PRPSAP1: variants seen among roughly 807,000 people sequenced by gnomAD.
PRPSAP1 encodes phosphoribosyl pyrophosphate synthetase associated protein 1, also known as phosphoribosyl pyrophosphate synthase-associated protein 1.
In PRPSAP1, 31 loss-of-function variants were observed where a neutral mutation model predicts 39.4. The ratio of observed to expected loss-of-function variants is 0.79; its 90% CI spans 0.59 to 1.06. The LOEUF is 1.06. PRPSAP1 is among the 50% of genes least tolerant of loss of function. The pLI is 0.00. For synonymous variants in PRPSAP1, 212 were observed against 192.6 expected, an observed-to-expected ratio of 1.10 and a Z score of -0.83; for missense variants, 430 against 511.6, an observed-to-expected ratio of 0.84 and a Z score of 1.54.
upstream of PRPSAP1, chr17:76,353,949 C>T (rs1274198643): frequency 3.1e-6 from 4 of 1,308,966 alleles, no homozygotes; most frequent in African/African-American, 4.7e-5. Context: ...ATCCGAAGAG[C>T]GTCGGCTAGA....
intron 7 of PRPSAP1, among the ~76,000 whole-genome samples, chr17:76,320,260 G>GA (rs1265874508): frequency 4.9e-5 from 4 of 81,302 alleles, no homozygotes; most frequent in African/African-American, 1.1e-4. Context: ...AGACAAGAAA[G>GA]AAAGAAAAGA....
At chr17:76,324,813 G>C (rs2071234534) in intron 7 of PRPSAP1, among the ~76,000 whole-genome samples, 1 of 151,706 alleles carries the variant, frequency 6.6e-6, no homozygotes, top group Non-Finnish European at 1.5e-5. Flanking sequence ...TGTAATCCCA[G>C]CACTTTGGGA....
Position 76,353,634 on chromosome 17 carries a change from G to C in PRPSAP1, c.70C>G (p.Pro24Ala), listed in dbSNP as rs752382509. Reference sequence around the variant, plus strand: ...GCGTTCATGGCCGGCGGGGGAACGGGGCGGGCGCGCGGGACGCGGAAAGCC... The same window carrying C: ...GCGTTCATGGCCGGCGGGGGAACGGCGCGGGCGCGCGGGACGCGGAAAGCC... ...SSAFRVPRARPVPPPAMNAAR... is the reference protein window; with the variant it reads ...SSAFRVPRARAVPPPAMNAAR... Residue 24 changes from proline (P) to alanine (A), a missense_variant, in exon 1 of 10, where the codon CCC (proline) becomes GCC (alanine). By Grantham distance (27) the Pro-to-Ala change is conservative. Around this residue, in one of 2 missense-constraint regions of PRPSAP1, gnomAD observed 152 missense variants for 135.2 expected, o/e 1.12. Coordinates refer to ENST00000446526, the MANE Select transcript of PRPSAP1 (RefSeq NM_002766.3). The C allele has an allele frequency of 2.1e-5, 32 of 1,542,052 alleles. No individual in the cohort carries two copies. In the African/African-American group the frequency reaches 3.3e-4, roughly 16 times the overall value.
At chr17:76,346,642 C>T (rs1044771431) in intron 2 of PRPSAP1, among the ~76,000 whole-genome samples, 9 of 152,162 alleles carry the variant, frequency 5.9e-5, no homozygotes, top group Admixed American at 1.3e-4. Context: ...ATTTCACTTC[C>T]GGAAAGTCAG....
intron 7 of PRPSAP1, among the ~76,000 whole-genome samples, chr17:76,321,049 T>G (rs1013656287): frequency 6.6e-6 from 1 of 151,980 alleles, no homozygotes; most frequent in East Asian, 1.9e-4. Context: ...TCCCAAAGTG[T>G]TGGGACTACA....
At chr17:76,329,613 G>A (rs529023234) in intron 6 of PRPSAP1, among the ~76,000 whole-genome samples, 19 of 152,188 alleles carry the variant, frequency 1.2e-4, no homozygotes, top group Non-Finnish European at 2.1e-4. Context: ...ACAGGCGCCT[G>A]TAATCCCAGC....
intron 3 of PRPSAP1, among the ~76,000 whole-genome samples, chr17:76,338,556 A>G (rs1447634382): frequency 6.6e-6 from 1 of 151,726 alleles, no homozygotes; most frequent in Non-Finnish European, 1.5e-5. Flanking sequence ...TACAAAAATT[A>G]GCTGGGTGTG....
chr17:76,353,695 C>A lies in PRPSAP1; in HGVS notation c.9G>T (p.Lys3Asn). ...AGGGCGGGGGCAACAGCAGCAGCTT[C>A]TTGGGCATCGTCCGGCCCGCGGCGC... Reference protein sequence around the residue: MPKKLLLLPPPSA... With the variant: MPNKLLLLPPPSA... The change falls in exon 1 of 10, where the codon AAG becomes AAT. Residue 3 changes from lysine (K) to asparagine (N), a missense_variant. Lys to Asn is a moderately conservative substitution (Grantham distance 94). Around this residue, in one of 2 missense-constraint regions of PRPSAP1, gnomAD observed 152 missense variants for 135.2 expected, o/e 1.12. Coordinates refer to ENST00000446526, the MANE Select transcript of PRPSAP1 (RefSeq NM_002766.3). 1 of 1,485,932 alleles carries A rather than the reference C, an allele frequency of 6.7e-7. No individual in the cohort carries two copies. 92.0% of individuals were successfully genotyped at this position (1,485,932 alleles called of 1,614,324 possible). A position where few individuals can be genotyped will look rare whatever the true frequency, so the allele number is the denominator to read the frequency against.
intron 2 of PRPSAP1, 45 bp downstream of exon 2, chr17:76,348,484 A>G (rs1360329661): frequency 7.2e-6 from 9 of 1,247,298 alleles, no homozygotes; most frequent in Non-Finnish European, 7.3e-6. Flanking sequence ...AAAAAACTAA[A>G]TAAATAAAAA....
intron 3 of PRPSAP1, among the ~76,000 whole-genome samples, 179 bp from the exon 4 acceptor site, chr17:76,332,614 A>G (rs769589241): frequency 6.6e-6 from 1 of 152,198 alleles, no homozygotes; most frequent in Non-Finnish European, 1.5e-5. Context: ...TTTGTAGCTG[A>G]GTAAGCCCTA....
chr17:76,332,917 G>A (rs1419239196), intron 3 of PRPSAP1, among the ~76,000 whole-genome samples: 2 of 150,834 alleles, frequency 1.3e-5, no homozygotes, highest in Non-Finnish European at 3.0e-5. Context: ...TTTTGAGACG[G>A]AGTCTCGCTG....
chr17:76,329,978 A>C, intron 6 of PRPSAP1, 65 bp downstream of exon 6: 1 of 1,497,552 alleles, frequency 6.7e-7, no homozygotes, highest in Non-Finnish European at 9.3e-7. Context: ...TCTGGATTCC[A>C]AAGCAGCTCA....
At chr17:76,337,709 G>A (rs944762674) in intron 3 of PRPSAP1, among the ~76,000 whole-genome samples, 7 of 152,162 alleles carry the variant, frequency 4.6e-5, no homozygotes, top group East Asian at 1.9e-4. Context: ...GGGTTCAATC[G>A]ATTCTCCCAC....
chr17:76,330,179 T>C, intron 5 of PRPSAP1, 81 bp from the exon 6 acceptor site: 1 of 1,290,112 alleles, frequency 7.8e-7, no homozygotes, highest in Non-Finnish European at 1.1e-6. Context: ...GTTTTCCCTC[T>C]TATAATGATC....
chr17:76,325,662 G>A (rs1415234584), intron 7 of PRPSAP1, among the ~76,000 whole-genome samples: 2 of 146,470 alleles, frequency 1.4e-5, no homozygotes, highest in South Asian at 2.2e-4. Context: ...GCAGTGGCGC[G>A]ATTTCAGCTC....
At chr17:76,337,083 T>C (rs565573890) in intron 3 of PRPSAP1, among the ~76,000 whole-genome samples, 1 of 152,260 alleles carries the variant, frequency 6.6e-6, no homozygotes, top group South Asian at 2.1e-4. Flanking sequence ...TACCAACTAC[T>C]TTTCTTTCTT....
intron 7 of PRPSAP1, among the ~76,000 whole-genome samples, chr17:76,315,606 A>G (rs1212822054): frequency 3.4e-5 from 5 of 147,024 alleles, no homozygotes; most frequent in African/African-American, 1.3e-4. Flanking sequence ...AAATGGGGGG[A>G]GGGGGGTTTC....
intron 8 of PRPSAP1, 69 bp downstream of exon 8, chr17:76,313,752 C>T (rs940355789): frequency 6.6e-7 from 1 of 1,514,188 alleles, no homozygotes; most frequent in Middle Eastern, 1.7e-4. Context: ...AATACAGTCC[C>T]AGAGTGGACA....
intron 8 of PRPSAP1, 123 bp downstream of exon 8, chr17:76,313,698 G>A: frequency 9.4e-7 from 1 of 1,067,846 alleles, no homozygotes; most frequent in Non-Finnish European, 1.4e-6. Context: ...AGGGAGTTTG[G>A]GTGAGAAAGG....
Sources: allele counts gnomAD v4.1 joint callset (sites outside exome capture counted in the v4.1 genomes callset), GRCh38; gene constraint gnomAD v4.1.1; regional missense constraint gnomAD v4.1.1; transcripts MANE v1.5; gene names NCBI Gene and HGNC (gene_info 2026-07-23, HGNC 2026-07-21).